Variants in SORCS1 observed in about 807,000 individuals in gnomAD.
SORCS1 encodes the protein VPS10 domain-containing receptor SorCS1.
A neutral mutation model predicts 146.1 loss-of-function variants in SORCS1; 60 were observed. That is an observed-to-expected ratio of 0.41 (90% CI 0.33 to 0.51). The LOEUF (loss-of-function observed/expected upper bound fraction) is 0.51, where lower values mean the gene tolerates loss of function less well. Among genes scored for constraint, SORCS1 ranks in the 20% least tolerant of loss-of-function variants. The probability of loss-of-function intolerance (pLI) is 0.21; values close to 1 mark genes in which losing one functional copy is unlikely to be tolerated. For missense variants in SORCS1, 1,352 were observed against 1,487.6 expected, an observed-to-expected ratio of 0.91 and a Z score of 1.50; for synonymous variants, 637 against 584.0, an observed-to-expected ratio of 1.09 and a Z score of -1.31.
At chr10:107,087,339 A>G (rs1963839121) in intron 1 of SORCS1, among the ~76,000 whole-genome samples, 1 of 151,994 alleles carries the variant, frequency 6.6e-6, no homozygotes. Flanking sequence ...GTCCAGTCTT[A>G]TTAAGTAGCT....
At chr10:106,982,880 C>T (rs1956293115) in intron 1 of SORCS1, among the ~76,000 whole-genome samples, 1 of 151,838 alleles carries the variant, frequency 6.6e-6, no homozygotes, top group Admixed American at 6.6e-5. Context: ...TAAAGAACAC[C>T]TGATTAGTCC....
At chr10:107,014,268 A>AG (rs1288285038) in intron 1 of SORCS1, among the ~76,000 whole-genome samples, 1 of 136,446 alleles carries the variant, frequency 7.3e-6, no homozygotes, top group African/African-American at 3.6e-5. Context: ...AAAAAAAAAA[A>AG]AAAAGAAAAG....
intron 2 of SORCS1, among the ~76,000 whole-genome samples, chr10:106,834,558 AAG>A (rs1303862022): frequency 1.3e-5 from 2 of 152,186 alleles, no homozygotes; most frequent in African/African-American, 4.8e-5. Flanking sequence ...AAGAAAAAAA[AAG>A]AAAGGTATGG....
chr10:106,728,292 CT>C (rs767656390), intron 6 of SORCS1, among the ~76,000 whole-genome samples: 4 of 123,660 alleles, frequency 3.2e-5, no homozygotes, highest in Non-Finnish European at 7.1e-5. Flanking sequence ...GATGTGTTTA[CT>C]TTTGCATTAA....
In SORCS1 at chr10:106,736,491, G is replaced by A. The variant is rs183923364; in HGVS notation, c.960-6377C>T. On this transcript the variant is annotated intron_variant, in intron 5 of 25. Transcript: ENST00000263054. ...GTCCTGTCTGCTACCAAAGTGCCTG[G>A]CAGGTATTGGCAGTGACATACCTTG... Among the ~76,000 whole-genome samples, 562 of 151,806 alleles carry A rather than the reference G, an allele frequency of 3.7e-3. 10 individuals are homozygous for A. Among genetic ancestry groups the A allele is most frequent in the African/African-American group, 0.013 (542 of 41,354 alleles).
At chr10:107,025,328 G>A (rs890071171) in intron 1 of SORCS1, among the ~76,000 whole-genome samples, 5 of 152,150 alleles carry the variant, frequency 3.3e-5, no homozygotes, top group Non-Finnish European at 5.9e-5. Context: ...CCCAATAAAT[G>A]CTAGCTTGGG....
At chr10:107,150,352 T>C (rs1408815706) in intron 1 of SORCS1, among the ~76,000 whole-genome samples, 1 of 152,218 alleles carries the variant, frequency 6.6e-6, no homozygotes, top group Non-Finnish European at 1.5e-5. Context: ...CAAAACAAAA[T>C]CACTCTTAAG....
intron 2 of SORCS1, among the ~76,000 whole-genome samples, chr10:106,878,122 G>T (rs1242939643): frequency 1.3e-5 from 2 of 151,066 alleles, no homozygotes; most frequent in Non-Finnish European, 2.9e-5. Context: ...TCTGTTTCTG[G>T]CAAGGTAGTA....
At chr10:106,720,871 C>T (rs1464694774) in intron 6 of SORCS1, among the ~76,000 whole-genome samples, 2 of 151,922 alleles carry the variant, frequency 1.3e-5, no homozygotes, top group African/African-American at 2.4e-5. Context: ...TTGAAAGCTG[C>T]CCAGCTGAGC....
intron 2 of SORCS1, among the ~76,000 whole-genome samples, chr10:106,919,867 A>G (rs1589705818): frequency 6.6e-6 from 1 of 152,330 alleles, no homozygotes; most frequent in South Asian, 2.1e-4. Context: ...CATTCTTAAA[A>G]GGGTTCTAGT....
intron 1 of SORCS1, among the ~76,000 whole-genome samples, chr10:106,962,394 C>CAAAAAAAAAAAAAA (rs60616146): frequency 4.8e-5 from 3 of 62,544 alleles, no homozygotes; most frequent in African/African-American, 6.5e-5. Context: ...AACTCCATCT[C>CAAAAAAAAAAAAAA]AAAAAAAAAA....
At chr10:106,803,396 G>T (rs1034176625) in intron 3 of SORCS1, among the ~76,000 whole-genome samples, 1 of 152,128 alleles carries the variant, frequency 6.6e-6, no homozygotes, top group African/African-American at 2.4e-5. Flanking sequence ...AGTATTTATT[G>T]TAAAAGGCTA....
At chr10:106,757,454 G>C (rs1021103726) in intron 5 of SORCS1, among the ~76,000 whole-genome samples, 1 of 152,270 alleles carries the variant, frequency 6.6e-6, no homozygotes, top group East Asian at 1.9e-4. Flanking sequence ...ATAATTTGAA[G>C]TAACTGGTTT....
intron 1 of SORCS1, among the ~76,000 whole-genome samples, chr10:107,099,125 G>C (rs1565040138): frequency 6.6e-6 from 1 of 152,208 alleles, no homozygotes; most frequent in Non-Finnish European, 1.5e-5. Context: ...CAGCGCTCCA[G>C]AGGATGTAAA....
chr10:106,607,259 C>G lies in SORCS1; in HGVS notation c.3072G>C (p.Val1024=), dbSNP rs771353922. The G allele has an allele frequency of 6.2e-7, 1 of 1,614,082 alleles. No homozygotes were observed. Among genetic ancestry groups the G allele is most frequent in the Non-Finnish European group, 8.5e-7 (1 of 1,179,986 alleles). ...GVPGQHILVA[V]LPGLPTTAEL... ...CAGCAGTGGTGGGTAAGCCAGGGAG[C>G]ACCGCCACCAGGATGTGCTGGCCTG... Residue 1024 remains valine, a synonymous_variant, in exon 23 of 26, where the codon GTG becomes GTC. Coordinates refer to ENST00000263054, the MANE Select transcript of SORCS1 (RefSeq NM_052918.5).
rs185824031 is a variant in SORCS1 at position 106,949,000 on chromosome 10, C to T, written c.626+7513G>A. Among the ~76,000 whole-genome samples the T allele has an allele frequency of 5.3e-5, 8 of 152,166 alleles. No individual in the cohort carries two copies. In the East Asian group the frequency reaches 1.5e-3, roughly 29 times the overall value. ...ATTTTAATTGTGTAAGTTCAGGAACCACAACCAGCTCCAAGTGACACAAAT... is the reference window on the plus strand; with the variant it reads ...ATTTTAATTGTGTAAGTTCAGGAACTACAACCAGCTCCAAGTGACACAAAT... On this transcript the variant is annotated intron_variant, in intron 2 of 25. Coordinates refer to ENST00000263054, the MANE Select transcript of SORCS1 (RefSeq NM_052918.5).
At chr10:106,831,156 G>T (rs1948526927) in intron 2 of SORCS1, among the ~76,000 whole-genome samples, 2 of 152,092 alleles carry the variant, frequency 1.3e-5, no homozygotes, top group African/African-American at 2.4e-5. Context: ...TCGTGCCACT[G>T]CACTCCAGCC....
chr10:106,914,983 C>G (rs568422356), intron 2 of SORCS1, among the ~76,000 whole-genome samples: 1 of 152,126 alleles, frequency 6.6e-6, no homozygotes, highest in Non-Finnish European at 1.5e-5. Context: ...GTAACAGACA[C>G]GAGACTGTGA....
chr10:106,703,152 T>C (rs1854253619), intron 8 of SORCS1, among the ~76,000 whole-genome samples: 3 of 151,648 alleles, frequency 2.0e-5, no homozygotes, highest in Non-Finnish European at 4.4e-5. Context: ...TGAGAAAATA[T>C]TGTTGTGAAT....
Sources: allele counts gnomAD v4.1 joint callset (sites outside exome capture counted in the v4.1 genomes callset), GRCh38; gene constraint gnomAD v4.1.1; transcripts MANE v1.5; gene names NCBI Gene and HGNC (gene_info 2026-07-23, HGNC 2026-07-21).